The following PLXNA1 variants were observed in gnomAD, a reference collection of about 807,000 sequenced individuals.
PLXNA1 encodes plexin A1.
Under a neutral mutation model 191.7 loss-of-function variants are expected in PLXNA1, and 77 were observed. The observed-to-expected ratio is 0.40, with a 90% confidence interval of 0.33 to 0.49. PLXNA1 has a LOEUF of 0.49. Ranked by LOEUF, PLXNA1 falls within the 20% of genes least tolerant of loss-of-function variation. PLXNA1 has a pLI of 0.63. For synonymous variants in PLXNA1, 1,137 were observed against 1,156.4 expected (o/e 0.98, Z 0.34); for missense variants, 2,110 against 2,660.2 (o/e 0.79, Z 4.55).
At chr3:126,994,471 G>C (rs969080695) in intron 3 of PLXNA1, among the ~76,000 whole-genome samples, 1 of 152,204 alleles carries the variant, frequency 6.6e-6, no homozygotes, top group Non-Finnish European at 1.5e-5. Context: ...CACATGGGCA[G>C]AGGGTGCCCT....
At chr3:126,988,177 A>G (rs2078969010) in intron 1 of PLXNA1, among the ~76,000 whole-genome samples, 1 of 152,106 alleles carries the variant, frequency 6.6e-6, no homozygotes, top group Non-Finnish European at 1.5e-5. Context: ...GCTGCTCTCC[A>G]GGTTGGTGTC....
At chr3:127,020,810 G>A (rs966331843) in intron 21 of PLXNA1, among the ~76,000 whole-genome samples, 7 of 152,134 alleles carry the variant, frequency 4.6e-5, no homozygotes, top group Admixed American at 1.3e-4. Flanking sequence ...GGCAGGGGCC[G>A]TGTGCTGGGA....
chr3:127,031,315 T>C (rs2079209690), intron 29 of PLXNA1, among the ~76,000 whole-genome samples: 1 of 152,142 alleles, frequency 6.6e-6, no homozygotes, highest in African/African-American at 2.4e-5. Flanking sequence ...ACCCCACCAT[T>C]GCCTGCTACA....
At position 127,022,908 on chromosome 3, in the gene PLXNA1, G is replaced by A. The variant is rs867239085; in HGVS notation, c.4362+90G>A. 9 of 1,153,484 alleles carry A rather than the reference G, an allele frequency of 7.8e-6. No individual in the cohort carries two copies. In the Middle Eastern group the frequency reaches 1.2e-3, roughly 151 times the overall value. The allele number at this position is 1,153,484 out of a possible 1,614,324, so 71.5% of individuals were successfully genotyped here. A position where few individuals can be genotyped will look rare whatever the true frequency, so the allele number is the denominator to read the frequency against. ...GAGGTGGGGATTAGTGGGAGGTGCT[G>A]GAGAATGACAGCTGGTGGGGTCTTG... On this transcript the variant is annotated intron_variant, in intron 23 of 31. Transcript: ENST00000393409.
intron 26 of PLXNA1, 151 bp from the exon 27 acceptor site, chr3:127,029,289 G>A: frequency 1.2e-6 from 1 of 840,494 alleles, no homozygotes; most frequent in Non-Finnish European, 2.0e-6. Context: ...AGCATCCCTG[G>A]GCTGTCCTGA....
chr3:126,999,618 G>A (rs1426267412), intron 3 of PLXNA1, among the ~76,000 whole-genome samples: 1 of 152,220 alleles, frequency 6.6e-6, no homozygotes, highest in East Asian at 1.9e-4. Flanking sequence ...TGTTGGCTCT[G>A]GGCGGGATGG....
intron 9 of PLXNA1, 46 bp from the exon 10 acceptor site, chr3:127,011,912 C>T: frequency 6.4e-7 from 1 of 1,566,390 alleles, no homozygotes; most frequent in Non-Finnish European, 8.8e-7. Flanking sequence ...GCACCTTGCT[C>T]ACTGGTCTCC....
In PLXNA1 at chr3:126,991,470, CG is replaced by C; in HGVS notation, c.1282del (p.Val428TrpfsTer7). 1 of 1,612,786 alleles carries C rather than the reference CG, an allele frequency of 6.2e-7. No homozygotes were observed. Among genetic ancestry groups the C allele is most frequent in the Non-Finnish European group, 8.5e-7 (1 of 1,179,842 alleles). On this transcript the variant is annotated frameshift_variant, in exon 3 of 32. Coordinates refer to ENST00000393409, the MANE Select transcript of PLXNA1 (RefSeq NM_032242.4). LOFTEE classifies it high-confidence loss of function. ...TCACCATTGAGGGGACGCCCCTGTT[CG>C]TGGACAAGGATGATGGCCTGACCGC... ...TVTIEGTPLF[V>X]DKDDGLTAVA...
chr3:127,005,810 G>T (rs1283675796), intron 7 of PLXNA1, among the ~76,000 whole-genome samples: 1 of 152,150 alleles, frequency 6.6e-6, no homozygotes, highest in African/African-American at 2.4e-5. Flanking sequence ...CCGTTGGACA[G>T]TCGCTCTGCA....
At position 127,029,918 on chromosome 3, in the gene PLXNA1, C is replaced by T. The variant is rs1409146622; in HGVS notation, c.4915C>T (p.Arg1639Cys). ...CAGCAGCCCCGACAGCCTGCGCTCGCGCACGCCCATGATCACGCCCGACCT... is the reference window on the plus strand; with the variant it reads ...CAGCAGCCCCGACAGCCTGCGCTCGTGCACGCCCATGATCACGCCCGACCT... ...TASSPDSLRS[R>C]TPMITPDLES... Residue 1639 changes from arginine to cysteine, a missense_variant, in exon 28 of 32, where the codon CGC becomes TGC. By Grantham distance (180) the Arg-to-Cys change is radical. Transcript: ENST00000393409. The T allele has an allele frequency of 3.7e-6, 6 of 1,613,200 alleles. No homozygotes were observed. The highest frequency in any genetic ancestry group is 2.2e-5 in the East Asian group (1 of 44,864).
In PLXNA1 at chr3:127,012,132, T is replaced by A. The variant is rs956686189; in HGVS notation, c.2287T>A (p.Ser763Thr). ...ARVTALRFNS[S>T]SLQCQNSSYS... Reference sequence around the variant, plus strand: ...TGTCACCGCCCTGCGCTTCAACAGCTCCAGCCTGCAGTGCCAGAATTCCTC... The same window carrying A: ...TGTCACCGCCCTGCGCTTCAACAGCACCAGCCTGCAGTGCCAGAATTCCTC... The change falls in exon 10 of 32, where the codon TCC becomes ACC. Residue 763 changes from serine to threonine, a missense_variant. Transcript: ENST00000393409. The A allele has an allele frequency of 7.4e-6, 12 of 1,612,582 alleles. No individual in the cohort carries two copies. The highest frequency in any genetic ancestry group is 1.0e-5 in the Non-Finnish European group (12 of 1,179,904).
intron 9 of PLXNA1, among the ~76,000 whole-genome samples, chr3:127,009,669 C>A (rs1294422861): frequency 6.6e-6 from 1 of 151,326 alleles, no homozygotes; most frequent in African/African-American, 2.4e-5. Context: ...CCGGGCCTAA[C>A]CCCCAAGGCC....
intron 3 of PLXNA1, among the ~76,000 whole-genome samples, chr3:126,997,093 ACT>A (rs2079018262): frequency 6.6e-6 from 1 of 151,218 alleles, no homozygotes; most frequent in Non-Finnish European, 1.5e-5. Flanking sequence ...GCTTGGCAAG[ACT>A]CTTCCTTACT....
At chr3:127,033,828 C>A in intron 31 of PLXNA1, 94 bp from the exon 32 acceptor site, 1 of 1,096,220 alleles carries the variant, frequency 9.1e-7, no homozygotes, top group Non-Finnish European at 1.3e-6. Context: ...TGGGGTTGAA[C>A]CTCTGGCACC....
rs2079242332 is a variant in PLXNA1, at chr3:127,036,258, A to C, written c.*2241A>C. The C allele has an allele frequency of 6.5e-6, 1 of 152,706 alleles. No homozygotes were observed. Among genetic ancestry groups the C allele is most frequent in the South Asian group, 2.1e-4 (1 of 4,830 alleles). The allele number at this position is 152,706 out of a possible 1,614,324, so 9.5% of individuals were successfully genotyped here. A position where few individuals can be genotyped will look rare whatever the true frequency, so the allele number is the denominator to read the frequency against. Reference sequence around the variant, plus strand: ...AGGTAGGGGCTCCTGCATCACCTTCAGAATCCAGTTCCAACCCCCACTCTC... The same window carrying C: ...AGGTAGGGGCTCCTGCATCACCTTCCGAATCCAGTTCCAACCCCCACTCTC... On this transcript the variant is annotated 3_prime_UTR_variant, in exon 32 of 32. Transcript: ENST00000393409.
intron 23 of PLXNA1, chr3:127,027,613 T>A (rs2079182533): frequency 2.0e-6 from 1 of 490,516 alleles, no homozygotes; most frequent in Admixed American, 2.3e-5. Context: ...AGGGGAGACT[T>A]CTGGGTGAAA....
Position 126,988,905 on chromosome 3 carries a change from C to T in PLXNA1, c.312C>T (p.Cys104=), listed in dbSNP as rs566643925. 5 of 1,613,268 alleles carry T rather than the reference C, an allele frequency of 3.1e-6. No homozygotes were observed. The highest frequency in any genetic ancestry group is 3.3e-5 in the Admixed American group (2 of 60,036). The change falls in exon 2 of 32, where the codon TGC becomes TGT. Residue 104 remains cysteine (C), a synonymous_variant. Coordinates refer to ENST00000393409, the MANE Select transcript of PLXNA1 (RefSeq NM_032242.4). ...KCYPPPSVQS[C]PHGLGSTDNV... is the part of the protein sequence containing the mutation. ...ACCCGCCGCCCAGCGTGCAGTCCTG[C>T]CCCCACGGCCTGGGCAGTACTGACA...
chr3:126,983,576 T>TGGGACCGCGGCCCGGGATCC (rs2107618228), intron 1 of PLXNA1, among the ~76,000 whole-genome samples: 1 of 146,702 alleles, frequency 6.8e-6, no homozygotes, highest in South Asian at 2.1e-4. Context: ...GCGGCGGGGC[T>TGGGACCGCGGCCCGGGATCC]GGGACCGCGG....
intron 3 of PLXNA1, among the ~76,000 whole-genome samples, chr3:126,998,669 G>C (rs1036259836): frequency 6.6e-5 from 10 of 152,250 alleles, no homozygotes; most frequent in Non-Finnish European, 5.9e-5. Context: ...TTCTCACACA[G>C]CTCTGTGAGG....
Sources: gnomAD v4.1 joint callset for allele counts (sites outside exome capture counted in the v4.1 genomes callset) on GRCh38, gnomAD v4.1.1 for gene constraint, MANE v1.5 for transcripts, NCBI Gene and HGNC (gene_info 2026-07-23, HGNC 2026-07-21) for gene names.